The following EFHC1 variants were observed in gnomAD, a reference collection of about 807,000 sequenced individuals.
The protein encoded by EFHC1 is EF-hand domain containing 1.
A neutral mutation model predicts 69.9 loss-of-function variants in EFHC1; 53 were observed. The ratio of observed to expected loss-of-function variants is 0.76; its 90% CI spans 0.61 to 0.95. The LOEUF is 0.95. Ranked by LOEUF, EFHC1 falls within the 40% of genes least tolerant of loss-of-function variation. The pLI is 0.00. For synonymous variants in EFHC1, 256 were observed against 278.4 expected (o/e 0.92, Z 0.80); for missense variants, 739 against 798.7 (o/e 0.93, Z 0.90).
At chr6:52,487,041 A>G (rs1391678148) in intron 9 of EFHC1, 1 of 152,114 alleles carries the variant, frequency 6.6e-6, no homozygotes, top group Non-Finnish European at 1.5e-5. Context: ...AGGGACAGGT[A>G]GTAAGTAGTT....
intron 1 of EFHC1, among the ~76,000 whole-genome samples, chr6:52,422,779 C>G (rs1179923171): frequency 6.6e-6 from 1 of 152,044 alleles, no homozygotes; most frequent in African/African-American, 2.4e-5. Context: ...TGTAAAAAAT[C>G]AACATAATTT....
In EFHC1 at chr6:52,454,257, C is replaced by T. The variant is rs199814370; in HGVS notation, c.886C>T (p.Arg296Cys). 1.8e-5 allele frequency: 29 copies of T among 1,614,072 alleles called. No individual in the cohort carries two copies. Among genetic ancestry groups the T allele is most frequent in the South Asian group, 5.5e-5 (5 of 91,088 alleles). ...DPFPLLMNRQ[R>C]VPKVLVENAK... ...TTTCCCACTCCTAATGAACCGCCAG[C>T]GTGTGCCCAAAGTTTTGGTGGAAAA... The change falls in exon 5 of 11, where the codon CGT (arginine) becomes TGT (cysteine). Residue 296 changes from arginine to cysteine, a missense_variant. Arg to Cys is a radical substitution (Grantham distance 180). Coordinates refer to ENST00000371068, the MANE Select transcript of EFHC1 (RefSeq NM_018100.4).
chr6:52,432,185 T>G (rs1306183796), intron 2 of EFHC1, among the ~76,000 whole-genome samples: 1 of 152,198 alleles, frequency 6.6e-6, no homozygotes, highest in African/African-American at 2.4e-5. Flanking sequence ...TTTAGGCTAT[T>G]TACATTCAAC....
chr6:52,454,482 G>C (rs1280196101), intron 5 of EFHC1, among the ~76,000 whole-genome samples, 195 bp downstream of exon 5: 1 of 152,052 alleles, frequency 6.6e-6, no homozygotes, highest in Non-Finnish European at 1.5e-5. Context: ...AGACAGTCTG[G>C]TACCCAGGTC....
At chr6:52,482,489 A>G in intron 9 of EFHC1, 1 of 277,452 alleles carries the variant, frequency 3.6e-6, no homozygotes, top group Non-Finnish European at 6.6e-6. Flanking sequence ...TTATTTCTTT[A>G]TAAAAACTTT....
At chr6:52,431,919 T>G (rs1764424053) in intron 2 of EFHC1, among the ~76,000 whole-genome samples, 1 of 152,248 alleles carries the variant, frequency 6.6e-6, no homozygotes. Context: ...GACATTTTCC[T>G]GTTGGACAGG....
At chr6:52,420,565 CAAG>C in intron 1 of EFHC1, 92 bp downstream of exon 1, 1 of 1,460,492 alleles carries the variant, frequency 6.8e-7, no homozygotes. Flanking sequence ...CCCCTCCACT[CAAG>C]TCTGTCTTCT....
intron 9 of EFHC1, chr6:52,481,789 G>A (rs1765681996): frequency 6.6e-6 from 1 of 152,280 alleles, no homozygotes; most frequent in Admixed American, 6.5e-5. Flanking sequence ...AGGATTACAG[G>A]CGTGAGCCAT....
intron 2 of EFHC1, among the ~76,000 whole-genome samples, chr6:52,436,942 T>G (rs576741896): frequency 6.6e-6 from 1 of 152,260 alleles, no homozygotes; most frequent in South Asian, 2.1e-4. Flanking sequence ...ACGCCTGGCA[T>G]AGTTTATGTT....
chr6:52,474,431 A>C (rs1765502803), intron 7 of EFHC1, among the ~76,000 whole-genome samples: 1 of 152,256 alleles, frequency 6.6e-6, no homozygotes, highest in South Asian at 2.1e-4. Context: ...TGATGAGAAT[A>C]TGTAACCATA....
chr6:52,479,866 A>G, intron 9 of EFHC1, 79 bp downstream of exon 9: 1 of 1,579,224 alleles, frequency 6.3e-7, no homozygotes, highest in Non-Finnish European at 8.6e-7. Flanking sequence ...GAGTAATCAC[A>G]TTTTAGATTT....
At chr6:52,453,307 A>G (rs1764960682) in intron 4 of EFHC1, 1 of 1,287,330 alleles carries the variant, frequency 7.8e-7, no homozygotes, top group Non-Finnish European at 1.0e-6. Context: ...ATGTTATATT[A>G]ATATTGGAGT....
rs771002960 is a variant in EFHC1, at chr6:52,492,979, A to G, written c.*638A>G. 2 of 454,094 alleles carry G rather than the reference A, an allele frequency of 4.4e-6. No individual in the cohort carries two copies. Among genetic ancestry groups the G allele is most frequent in the South Asian group, 3.1e-5 (2 of 64,472 alleles). The allele number at this position is 454,094 out of a possible 1,614,324, so 28.1% of individuals were successfully genotyped here. A position where few individuals can be genotyped will look rare whatever the true frequency, so the allele number is the denominator to read the frequency against. On this transcript the variant is annotated 3_prime_UTR_variant, in exon 11 of 11. Coordinates refer to ENST00000371068, the MANE Select transcript of EFHC1 (RefSeq NM_018100.4). ...ATTTTTCGATGAGATAAACATTTGAATCAGAAGACTAAGTAAAACAGATAG... is the reference window on the plus strand; with the variant it reads ...ATTTTTCGATGAGATAAACATTTGAGTCAGAAGACTAAGTAAAACAGATAG...
chr6:52,466,605 C>T (rs1765311985), intron 6 of EFHC1, among the ~76,000 whole-genome samples: 1 of 152,112 alleles, frequency 6.6e-6, no homozygotes, highest in Non-Finnish European at 1.5e-5. Context: ...TCCCTTGAGG[C>T]CAAGGACTAT....
chr6:52,428,939 A>G (rs141055605), intron 2 of EFHC1, among the ~76,000 whole-genome samples: 181 of 152,270 alleles, frequency 1.2e-3, no homozygotes, highest in Non-Finnish European at 2.0e-3. Flanking sequence ...TTCCCTGATC[A>G]TTAGTGATGT....
At chr6:52,437,042 T>C (rs1373127974) in intron 2 of EFHC1, among the ~76,000 whole-genome samples, 1 of 152,204 alleles carries the variant, frequency 6.6e-6, no homozygotes, top group Non-Finnish European at 1.5e-5. Flanking sequence ...CTCAATGTAA[T>C]ATATATGTTC....
At position 52,455,653 on chromosome 6, in the gene EFHC1, CA is replaced by C. The variant is rs201925030; in HGVS notation, c.916+1377del. On this transcript the variant is annotated intron_variant, in intron 5 of 10. Transcript: ENST00000371068. Reference sequence around the variant, plus strand: ...TGGGTGACAGAGTGAGACTCCATCTCAAAAAAAAAAAGAAAAAGAAATTTCA... The same window carrying C: ...TGGGTGACAGAGTGAGACTCCATCTCAAAAAAAAAAGAAAAAGAAATTTCA... 8.7e-4 allele frequency among the ~76,000 whole-genome samples: 121 copies of C among 138,844 alleles called. 2 individuals carry two copies. In the South Asian group the frequency reaches 9.2e-3, roughly 11 times the overall value. 91.1% of individuals were successfully genotyped at this position (138,844 alleles called of 152,430 possible).
At chr6:52,465,556 C>T (rs1248121375) in intron 6 of EFHC1, among the ~76,000 whole-genome samples, 1 of 151,492 alleles carries the variant, frequency 6.6e-6, no homozygotes, top group Non-Finnish European at 1.5e-5. Context: ...ATCTGTAATC[C>T]AGCACTTTGG....
intron 3 of EFHC1, among the ~76,000 whole-genome samples, chr6:52,448,031 G>C (rs1023741381): frequency 1.3e-5 from 2 of 152,162 alleles, no homozygotes; most frequent in Non-Finnish European, 2.9e-5. Context: ...GGACCCACTT[G>C]AGGAGGCAGT....
Sources: gnomAD v4.1 joint callset for allele counts (sites outside exome capture counted in the v4.1 genomes callset) on GRCh38, gnomAD v4.1.1 for gene constraint, MANE v1.5 for transcripts, NCBI Gene and HGNC (gene_info 2026-07-23, HGNC 2026-07-21) for gene names.